PRDM15: variants seen among roughly 807,000 people sequenced by gnomAD.
PRDM15 encodes the protein PR domain zinc finger protein 15.
In PRDM15, 64 loss-of-function variants were observed where a neutral mutation model predicts 128.6. The observed-to-expected ratio is 0.50, with a 90% CI of 0.41 to 0.61. The LOEUF (loss-of-function observed/expected upper bound fraction) is 0.61. PRDM15 is among the 20% of genes least tolerant of loss of function. The pLI is 0.00. For synonymous variants in PRDM15, 615 were observed against 621.8 expected (o/e 0.99, Z 0.16); for missense variants, 1,242 against 1,569.1 (o/e 0.79, Z 3.52).
intron 22 of PRDM15, among the ~76,000 whole-genome samples, chr21:41,803,720 C>T (rs765854150): frequency 3.9e-5 from 6 of 152,180 alleles, no homozygotes; most frequent in Admixed American, 1.3e-4. Flanking sequence ...GGGCTGGAGC[C>T]GCCGTACGTC....
intron 6 of PRDM15, among the ~76,000 whole-genome samples, chr21:41,840,606 C>T (rs1601328572): frequency 6.6e-6 from 1 of 151,852 alleles, no homozygotes; most frequent in East Asian, 1.9e-4. Flanking sequence ...CTTACCAAAA[C>T]AACAACAACA....
intron 11 of PRDM15, among the ~76,000 whole-genome samples, chr21:41,829,406 A>C (rs2062603521): frequency 6.6e-6 from 1 of 151,878 alleles, no homozygotes; most frequent in South Asian, 2.1e-4. Flanking sequence ...AACTACACAC[A>C]CAATACACAA....
At chr21:41,823,755 A>G (rs1194040595) in intron 13 of PRDM15, among the ~76,000 whole-genome samples, 3 of 152,236 alleles carry the variant, frequency 2.0e-5, no homozygotes, top group Non-Finnish European at 2.9e-5. Flanking sequence ...TTTCCCTAGG[A>G]TGGACTACCA....
At chr21:41,834,217 G>A (rs996274618) in intron 11 of PRDM15, among the ~76,000 whole-genome samples, 35 of 141,668 alleles carry the variant, frequency 2.5e-4, no homozygotes, top group African/African-American at 9.0e-4. Flanking sequence ...ACCCCAGGAA[G>A]AAGGCATCAG....
At position 41,821,028 on chromosome 21, in the gene PRDM15, T is replaced by C. The variant is rs1215485665; in HGVS notation, c.2060+39A>G. 9.3e-6 allele frequency: 15 copies of C among 1,613,266 alleles called. No homozygotes were observed. Among genetic ancestry groups the C allele is most frequent in the Non-Finnish European group, 1.2e-5 (14 of 1,179,348 alleles). On this transcript the variant is annotated intron_variant, in intron 16 of 23. Coordinates refer to ENST00000398548, the MANE Select transcript of PRDM15 (RefSeq NM_001040424.3). This position sits in a 1 kb window ranked among gnomAD's most constrained non-coding sequence, Gnocchi z 5.4. ...TCTTTGCAAGGAAGCATGTCCCCTC[T>C]CTCCTGACACAACCCGGGAGCCCCC... is the stretch of plus-strand genomic sequence containing the variant.
chr21:41,841,457 CA>C (rs1438498288), intron 6 of PRDM15, among the ~76,000 whole-genome samples: 1 of 151,612 alleles, frequency 6.6e-6, no homozygotes, highest in Non-Finnish European at 1.5e-5. Context: ...TATTTTGAGA[CA>C]AAGACTGAAA....
intron 11 of PRDM15, among the ~76,000 whole-genome samples, chr21:41,831,688 C>G (rs2146522141): frequency 6.6e-6 from 1 of 152,334 alleles, no homozygotes; most frequent in Admixed American, 6.5e-5. Context: ...ATCTATGCCC[C>G]ATGGGTGCCA....
intron 21 of PRDM15, among the ~76,000 whole-genome samples, chr21:41,808,631 TG>T (rs1319137351): frequency 6.6e-6 from 1 of 152,260 alleles, no homozygotes; most frequent in East Asian, 1.9e-4. Flanking sequence ...GAAATCACTG[TG>T]GGATGTTTTG....
intron 6 of PRDM15, among the ~76,000 whole-genome samples, chr21:41,840,332 G>C (rs2063035635): frequency 6.6e-6 from 1 of 151,908 alleles, no homozygotes; most frequent in African/African-American, 2.4e-5. Flanking sequence ...TGTAGTCCCA[G>C]CCACTGGGGA....
chr21:41,858,670 A>G (rs1261631617), intron 3 of PRDM15, among the ~76,000 whole-genome samples: 6 of 152,016 alleles, frequency 3.9e-5, no homozygotes, highest in Non-Finnish European at 7.4e-5. Flanking sequence ...TGAGACAAGG[A>G]GCCAGCACGG....
chr21:41,838,525 C>T (rs1364689548), intron 7 of PRDM15, among the ~76,000 whole-genome samples: 1 of 152,196 alleles, frequency 6.6e-6, no homozygotes, highest in Non-Finnish European at 1.5e-5. Context: ...ACTGGAGACC[C>T]TGGCCAGAAA....
chr21:41,879,114 T>C lies in PRDM15; in HGVS notation c.-10+156A>G. On this transcript the variant is annotated intron_variant, in intron 1 of 23. Transcript: ENST00000398548. This position sits in a 1 kb window ranked among gnomAD's most constrained non-coding sequence, Gnocchi z 5.1. ...CGAATGTAACAAAGAACAGTCGGCA[T>C]GGCGGCTGGACCGGGGCGGCGCGCG... 1.9e-6 allele frequency: 2 copies of C among 1,075,932 alleles called. No individual in the cohort carries two copies. The highest frequency in any genetic ancestry group is 2.3e-6 in the Non-Finnish European group (2 of 870,804). 66.6% of individuals were successfully genotyped at this position (1,075,932 alleles called of 1,614,324 possible).
At chr21:41,829,162 C>T (rs2062589712) in intron 11 of PRDM15, among the ~76,000 whole-genome samples, 1 of 150,410 alleles carries the variant, frequency 6.6e-6, no homozygotes. Context: ...TACACAAATA[C>T]ACAATCACAC....
At chr21:41,824,618 G>A (rs2062403271) in intron 13 of PRDM15, among the ~76,000 whole-genome samples, 1 of 152,356 alleles carries the variant, frequency 6.6e-6, no homozygotes, top group Non-Finnish European at 1.5e-5. Flanking sequence ...TGGACAGAAA[G>A]ACTGGGGACG....
chr21:41,860,465 A>C, intron 1 of PRDM15, 93 bp from the exon 2 acceptor site: 2 of 1,079,492 alleles, frequency 1.9e-6, no homozygotes, highest in South Asian at 2.6e-5. Context: ...GTTGCCCAGG[A>C]TAGATAGAGT....
rs536284599 is a variant in PRDM15 at position 41,873,019 on chromosome 21, C to T, written c.-10+6251G>A. 1.5e-3 allele frequency among the ~76,000 whole-genome samples: 235 copies of T among 152,258 alleles called. 2 individuals carry two copies. Among genetic ancestry groups the T allele is most frequent in the African/African-American group, 5.3e-3 (221 of 41,546 alleles). The stretch of plus-strand genomic sequence containing the variant: ...TATAACTTCCCGCACCCTGCGATTG[C>T]GTCTCCTTACAGTTTTTCACCGGGT... On this transcript the variant is annotated intron_variant, in intron 1 of 23. Transcript: ENST00000398548.
intron 1 of PRDM15, among the ~76,000 whole-genome samples, chr21:41,874,579 C>T (rs2064343443): frequency 7.4e-6 from 1 of 135,268 alleles, no homozygotes; most frequent in South Asian, 2.3e-4. Flanking sequence ...GGTTACGAGA[C>T]ACCTGAAACA....
intron 11 of PRDM15, among the ~76,000 whole-genome samples, chr21:41,831,386 C>T (rs2146518352): frequency 6.6e-6 from 1 of 152,368 alleles, no homozygotes; most frequent in Admixed American, 6.5e-5. Context: ...CCCCTCCCCA[C>T]CAAGGTGTCT....
chr21:41,828,356 C>A lies in PRDM15; in HGVS notation c.1367-23G>T. On this transcript the variant is annotated intron_variant, in intron 11 of 23. Transcript: ENST00000398548. This position sits in a 1 kb window ranked among gnomAD's most constrained non-coding sequence, Gnocchi z 5.7. ...CATCTGTCCAGAGAGCAAACAAACACACAACGATTTTGAGGTAAATAACAT... is the reference window on the plus strand; with the variant it reads ...CATCTGTCCAGAGAGCAAACAAACAAACAACGATTTTGAGGTAAATAACAT... 1 of 1,612,766 alleles carries A rather than the reference C, an allele frequency of 6.2e-7. No individual in the cohort carries two copies. Among genetic ancestry groups the A allele is most frequent in the South Asian group, 1.1e-5 (1 of 91,070 alleles).
Sources: allele counts gnomAD v4.1 joint callset (sites outside exome capture counted in the v4.1 genomes callset), GRCh38; gene constraint gnomAD v4.1.1; non-coding constraint Gnocchi (gnomAD v3.1); transcripts MANE v1.5; gene names NCBI Gene and HGNC (gene_info 2026-07-23, HGNC 2026-07-21).